Variants in LYAR observed in about 807,000 individuals in gnomAD.
LYAR encodes the protein cell growth-regulating nucleolar protein.
A neutral mutation model predicts 45.2 loss-of-function variants in LYAR; 37 were observed. That is an observed-to-expected ratio of 0.82 (90% CI 0.63 to 1.08). LYAR has a LOEUF of 1.08. Among genes scored for constraint, LYAR ranks in the 50% least tolerant of loss-of-function variants. The pLI, the probability that LYAR is intolerant of heterozygous loss-of-function variation, is 0.00. For synonymous variants in LYAR, 176 were observed against 155.1 expected (o/e 1.14, Z -1.00); for missense variants, 493 against 451.0 (o/e 1.09, Z -0.84).
At chr4:4,283,538 T>A (rs4688927) in intron 3 of LYAR, 83 bp downstream of exon 3, 470,541 of 1,441,068 alleles carry the variant, frequency 0.33, 79,670 homozygotes, top group East Asian at 0.54. Flanking sequence ...AATTTGCCAC[T>A]ATTTTTCCAA....
At chr4:4,289,870 T>C (rs1719788558) in intron 1 of LYAR, 166 bp downstream of exon 1, 1 of 152,266 alleles carries the variant, frequency 6.6e-6, no homozygotes, top group Admixed American at 6.5e-5. Flanking sequence ...TTGGTCACCC[T>C]AAGTCCAGGA....
chr4:4,283,689 C>T lies in LYAR; in HGVS notation c.54G>A (p.Val18=), dbSNP rs949718334. Reference sequence around the variant, plus strand: ...TTCTGCAAACAGACACATGCTTTTCCACTTGTATTTTCTTCACTGATTCAC... The same window carrying T: ...TTCTGCAAACAGACACATGCTTTTCTACTTGTATTTTCTTCACTGATTCAC... ...ACGESVKKIQ[V]EKHVSVCRNC... The change falls in exon 3 of 10, where the codon GTG becomes GTA. Residue 18 remains valine (V), a synonymous_variant. Transcript: ENST00000343470. 7 of 1,612,606 alleles carry T rather than the reference C, an allele frequency of 4.3e-6. No individual in the cohort carries two copies. In the African/African-American group the frequency reaches 6.7e-5, roughly 15 times the overall value.
chr4:4,272,101 G>A (rs1475544219), intron 8 of LYAR, among the ~76,000 whole-genome samples: 1 of 152,212 alleles, frequency 6.6e-6, no homozygotes, highest in Non-Finnish European at 1.5e-5. Context: ...AGTGGCTGTG[G>A]CTACAAGAGG....
At chr4:4,272,966 A>T (rs920680579) in intron 8 of LYAR, among the ~76,000 whole-genome samples, 1 of 152,164 alleles carries the variant, frequency 6.6e-6, no homozygotes, top group African/African-American at 2.4e-5. Flanking sequence ...GCTTTGTGTA[A>T]GAGACAGCAT....
In LYAR at chr4:4,274,749, C is replaced by T. The variant is rs1169889003; in HGVS notation, c.450G>A (p.Gln150=). ...ASNSEPVNKE[Q]DQRPLHPVAN... ...CCACTGGGTGGAGTGGCCGTTGATC[C>T]TGTTCCTTATTGACTGGTTCCTTAT... The change falls in exon 7 of 10, where the codon CAG becomes CAA. Residue 150 remains glutamine (Q), a synonymous_variant. Coordinates refer to ENST00000343470, the MANE Select transcript of LYAR (RefSeq NM_017816.3). 6.2e-7 allele frequency: 1 copy of T among 1,604,134 alleles called. No individual in the cohort carries two copies. Among genetic ancestry groups the T allele is most frequent in the Non-Finnish European group, 8.5e-7 (1 of 1,177,592 alleles).
At chr4:4,276,392 G>T (rs902913260) in intron 6 of LYAR, among the ~76,000 whole-genome samples, 4 of 152,102 alleles carry the variant, frequency 2.6e-5, no homozygotes, top group African/African-American at 7.2e-5. Flanking sequence ...AGACCTTAAG[G>T]CTCGATCCTT....
At chr4:4,288,531 G>A (rs1380020741) in intron 1 of LYAR, among the ~76,000 whole-genome samples, 1 of 147,674 alleles carries the variant, frequency 6.8e-6, no homozygotes, top group Non-Finnish European at 1.5e-5. Context: ...TGTTGCCCAG[G>A]CTGGAGTACA....
At chr4:4,282,833 C>T (rs915528988) in intron 3 of LYAR, among the ~76,000 whole-genome samples, 5 of 152,324 alleles carry the variant, frequency 3.3e-5, no homozygotes, top group Admixed American at 2.6e-4. Context: ...CTCACTTCCA[C>T]CAGCACCTCT....
At chr4:4,269,434 C>T (rs567544405) in intron 8 of LYAR, among the ~76,000 whole-genome samples, 1 of 152,324 alleles carries the variant, frequency 6.6e-6, no homozygotes, top group Non-Finnish European at 1.5e-5. Flanking sequence ...TCTACCCTCG[C>T]AAGGCTGTAA....
Position 4,283,633 on chromosome 4 carries a change from C to T in LYAR, c.110G>A (p.Gly37Asp). Reference protein sequence around the residue: ...NCECLSCIDCGKDFWGDDYKN... With the variant: ...NCECLSCIDCDKDFWGDDYKN... ...CTGTGAAGCTTACCAGAAATCTTTA[C>T]CGCAGTCAATGCAAGAAAGGCATTC... Residue 37 changes from glycine to aspartate, a missense_variant, in exon 3 of 10, where the codon GGT (glycine) becomes GAT (aspartate). Gly to Asp is a moderately conservative substitution (Grantham distance 94). Transcript: ENST00000343470. 1 of 1,611,952 alleles carries T rather than the reference C, an allele frequency of 6.2e-7. No individual in the cohort carries two copies. Among genetic ancestry groups the T allele is most frequent in the Non-Finnish European group, 8.5e-7 (1 of 1,179,740 alleles).
intron 4 of LYAR, among the ~76,000 whole-genome samples, chr4:4,280,952 A>G (rs1368616483): frequency 6.6e-6 from 1 of 152,184 alleles, no homozygotes; most frequent in African/African-American, 2.4e-5. Context: ...CCTGCTACCT[A>G]TTCTGTAAAT....
At position 4,274,381 on chromosome 4, in the gene LYAR, C is replaced by T. The variant is rs776097474; in HGVS notation, c.818G>A (p.Arg273Gln). Residue 273 changes from arginine (R) to glutamine (Q), a missense_variant, in exon 7 of 10, where the codon CGG becomes CAG. Physicochemically the swap from Arg to Gln is conservative, Grantham distance 43 (BLOSUM62 1). Transcript: ENST00000343470. ...EARVGAGKRK[R>Q]RHSEVETDSK... ...TAGCCACTTACCTTCCGAGTGCCTC[C>T]GCTTCCTCTTCCCTGCGCCCACGCG... The T allele has an allele frequency of 1.1e-5, 17 of 1,610,212 alleles. No homozygotes were observed. Among genetic ancestry groups the T allele is most frequent in the Admixed American group, 8.4e-5 (5 of 59,484 alleles).
chr4:4,283,202 G>A (rs1460784650), intron 3 of LYAR, among the ~76,000 whole-genome samples: 2 of 152,250 alleles, frequency 1.3e-5, no homozygotes, highest in Admixed American at 6.5e-5. Context: ...CCAGGCTGGA[G>A]TGCAGTGGTG....
In LYAR at chr4:4,288,496, T is replaced by A. The variant is rs570651886; in HGVS notation, c.-108+1540A>T. Among the ~76,000 whole-genome samples, 71 of 149,932 alleles carry A rather than the reference T, an allele frequency of 4.7e-4. 1 individual carries two copies. The South Asian group carries it at 0.014, about 30-fold the overall frequency. On this transcript the variant is annotated intron_variant, in intron 1 of 9. Coordinates refer to ENST00000343470, the MANE Select transcript of LYAR (RefSeq NM_017816.3). ...TATTCAATTTTTTTTCTTTTTTTTT[T>A]TTTTTTTGAGACGGAGTCTCATTCT...
chr4:4,281,651 CCTGT>C, intron 4 of LYAR, 128 bp downstream of exon 4: 3 of 683,974 alleles, frequency 4.4e-6, no homozygotes, highest in Non-Finnish European at 7.8e-6. Flanking sequence ...TTTAGTTCAA[CCTGT>C]CTATCCTAGG....
intron 4 of LYAR, among the ~76,000 whole-genome samples, chr4:4,280,634 C>T (rs1412595288): frequency 6.6e-6 from 1 of 152,160 alleles, no homozygotes; most frequent in Admixed American, 6.5e-5. Context: ...GCACCTCAAC[C>T]TTAGGGTCTA....
intron 8 of LYAR, chr4:4,268,850 A>C: frequency 2.5e-6 from 1 of 405,996 alleles, no homozygotes; most frequent in Admixed American, 4.1e-5. Context: ...GGCATGACAA[A>C]CTCCTAGATA....
At chr4:4,279,028 T>C (rs777931609) in intron 6 of LYAR, among the ~76,000 whole-genome samples, 21 of 152,078 alleles carry the variant, frequency 1.4e-4, no homozygotes, top group Non-Finnish European at 2.4e-4. Flanking sequence ...AGAGGTTCTC[T>C]AAAAAAGAAG....
rs748808658 is a variant in LYAR at position 4,268,018 on chromosome 4, T to C, written c.1011A>G (p.Leu337=). Residue 337 remains leucine, a synonymous_variant, in exon 10 of 10, where the codon TTA becomes TTG. Coordinates refer to ENST00000343470, the MANE Select transcript of LYAR (RefSeq NM_017816.3). The part of the protein sequence containing the change: ...ITIKKLRKKV[L]AQYYTVTDEH... ...CATCTGTCACTGTGTAGTACTGAGC[T>C]AAAACCTTCACAAAGAAAAACATCA... 1 of 1,579,912 alleles carries C rather than the reference T, an allele frequency of 6.3e-7. No homozygotes were observed. Among genetic ancestry groups the C allele is most frequent in the South Asian group, 1.2e-5 (1 of 84,742 alleles).
Sources: gnomAD v4.1 joint callset for allele counts (sites outside exome capture counted in the v4.1 genomes callset) on GRCh38, gnomAD v4.1.1 for gene constraint, MANE v1.5 for transcripts, NCBI Gene and HGNC (gene_info 2026-07-23, HGNC 2026-07-21) for gene names.